STX12: variants seen among roughly 807,000 people sequenced by gnomAD.
The protein encoded by STX12 is syntaxin 12.
Under a neutral mutation model 42.2 loss-of-function variants are expected in STX12, and 17 were observed. The ratio of observed to expected loss-of-function variants is 0.40; its 90% CI spans 0.28 to 0.60. The LOEUF is 0.60. STX12 is among the 20% of genes least tolerant of loss of function. The pLI is 0.39. For synonymous variants in STX12, 108 were observed against 116.7 expected, an observed-to-expected ratio of 0.93 and a Z score of 0.48; for missense variants, 297 against 330.9, an observed-to-expected ratio of 0.90 and a Z score of 0.79.
At chr1:27,810,190 G>C in intron 4 of STX12, 56 bp from the exon 5 acceptor site, 1 of 1,548,824 alleles carries the variant, frequency 6.5e-7, no homozygotes, top group South Asian at 1.1e-5. Context: ...CCCTTGTTTT[G>C]TGTGTCTGTG....
intron 2 of STX12, 79 bp from the exon 3 acceptor site, chr1:27,793,454 C>A: frequency 8.4e-7 from 1 of 1,188,724 alleles, no homozygotes; most frequent in African/African-American, 1.5e-5. Context: ...CGTTATGAGA[C>A]ACTCTGAGAA....
intron 6 of STX12, among the ~76,000 whole-genome samples, chr1:27,815,215 C>T (rs928008687): frequency 1.3e-5 from 2 of 152,126 alleles, no homozygotes; most frequent in African/African-American, 2.4e-5. Flanking sequence ...CCACGGATAC[C>T]AAGGGACGAA....
chr1:27,780,155 A>G (rs1193861767), intron 1 of STX12, among the ~76,000 whole-genome samples: 1 of 149,742 alleles, frequency 6.7e-6, no homozygotes, highest in Non-Finnish European at 1.5e-5. Context: ...AATTATACAA[A>G]TCCTCTCAGT....
chr1:27,792,244 C>CTA (rs201129747), intron 2 of STX12, among the ~76,000 whole-genome samples: 6 of 94,968 alleles, frequency 6.3e-5, no homozygotes, highest in Non-Finnish European at 1.0e-4. Context: ...ATATATGTAT[C>CTA]TATATATATG....
intron 6 of STX12, among the ~76,000 whole-genome samples, chr1:27,814,093 G>C (rs567653962): frequency 6.6e-6 from 1 of 152,244 alleles, no homozygotes; most frequent in East Asian, 1.9e-4. Context: ...TAGAGACGAG[G>C]TTTTGCCATT....
chr1:27,809,352 G>T (rs1456841701), intron 4 of STX12, among the ~76,000 whole-genome samples: 1 of 149,612 alleles, frequency 6.7e-6, no homozygotes, highest in Admixed American at 6.7e-5. Flanking sequence ...AAAAAGAAAA[G>T]AAAAGAAAGG....
chr1:27,773,681 G>A (rs1200512707), intron 1 of STX12, among the ~76,000 whole-genome samples: 1 of 152,186 alleles, frequency 6.6e-6, no homozygotes, highest in Admixed American at 6.5e-5. Flanking sequence ...CAAAACAGCC[G>A]ACTTGACAGC....
chr1:27,822,456 T>C lies in STX12; in HGVS notation c.*127T>C. 1.6e-6 allele frequency: 1 copy of C among 633,006 alleles called. No homozygotes were observed. The highest frequency in any genetic ancestry group is 2.9e-6 in the Non-Finnish European group (1 of 347,898). The allele number at this position is 633,006 out of a possible 1,614,324, so 39.2% of individuals were successfully genotyped here. A position where few individuals can be genotyped will look rare whatever the true frequency, so the allele number is the denominator to read the frequency against. Reference sequence around the variant, plus strand: ...GTCCTGTAATCATTTAGTTAGAAACTAACTACTAACTAGTCTTTGGAATTC... The same window carrying C: ...GTCCTGTAATCATTTAGTTAGAAACCAACTACTAACTAGTCTTTGGAATTC... On this transcript the variant is annotated 3_prime_UTR_variant, in exon 9 of 9. Coordinates refer to ENST00000373943, the MANE Select transcript of STX12 (RefSeq NM_177424.3).
chr1:27,795,931 T>C (rs1428678958), intron 3 of STX12, among the ~76,000 whole-genome samples: 1 of 152,120 alleles, frequency 6.6e-6, no homozygotes, highest in Non-Finnish European at 1.5e-5. Flanking sequence ...TTGTAGACAG[T>C]TTTCATAGTA....
intron 1 of STX12, among the ~76,000 whole-genome samples, chr1:27,775,537 G>A (rs1188422862): frequency 1.3e-5 from 2 of 152,168 alleles, no homozygotes; most frequent in East Asian, 3.9e-4. Flanking sequence ...CTCCGAATAG[G>A]CCAGGATTAC....
chr1:27,812,120 C>G lies in STX12; in HGVS notation c.471-43C>G, dbSNP rs372237520. ...GATGTTGGAGATATGTCTTGTTATG[C>G]CTTTGAGAGGAGAAATCACCTAGTG... On this transcript the variant is annotated intron_variant, in intron 5 of 8. Transcript: ENST00000373943. 11 of 1,481,208 alleles carry G rather than the reference C, an allele frequency of 7.4e-6. 1 individual carries two copies. The highest frequency in any genetic ancestry group is 1.7e-4 in the Middle Eastern group (1 of 5,866). The allele number at this position is 1,481,208 out of a possible 1,614,324, so 91.8% of individuals were successfully genotyped here.
intron 3 of STX12, among the ~76,000 whole-genome samples, chr1:27,800,522 T>C (rs1050054397): frequency 6.7e-6 from 1 of 149,774 alleles, no homozygotes; most frequent in African/African-American, 2.5e-5. Context: ...TGTGTGTGTG[T>C]GTGTGTGTGT....
intron 4 of STX12, among the ~76,000 whole-genome samples, chr1:27,803,981 A>T (rs138103280): frequency 3.3e-5 from 5 of 152,258 alleles, no homozygotes; most frequent in East Asian, 3.9e-4. Flanking sequence ...AGCCTGGGCG[A>T]CACAACAAGA....
At chr1:27,812,020 G>T in intron 5 of STX12, 143 bp from the exon 6 acceptor site, 1 of 723,626 alleles carries the variant, frequency 1.4e-6, no homozygotes, top group South Asian at 1.5e-5. Context: ...GAAGAATGTG[G>T]CCCTCCAAGA....
At chr1:27,816,967 G>T (rs557043426) in intron 6 of STX12, among the ~76,000 whole-genome samples, 1 of 147,876 alleles carries the variant, frequency 6.8e-6, no homozygotes, top group Non-Finnish European at 1.5e-5. Context: ...AGAAGGAAGG[G>T]AGGGAGGGAA....
intron 1 of STX12, among the ~76,000 whole-genome samples, chr1:27,784,696 A>G (rs2088688825): frequency 6.6e-6 from 1 of 152,200 alleles, no homozygotes; most frequent in African/African-American, 2.4e-5. Context: ...TATAGAGGGC[A>G]ATATACAAAA....
intron 1 of STX12, among the ~76,000 whole-genome samples, chr1:27,774,429 C>T (rs1180404620): frequency 1.3e-5 from 2 of 152,126 alleles, no homozygotes; most frequent in African/African-American, 2.4e-5. Context: ...GTGAGCTTGG[C>T]GTACTCTGTT....
intron 2 of STX12, among the ~76,000 whole-genome samples, chr1:27,790,545 T>C (rs2088732931): frequency 6.6e-6 from 1 of 152,222 alleles, no homozygotes; most frequent in Non-Finnish European, 1.5e-5. Flanking sequence ...TTTACAATCC[T>C]CCTGTGAGAC....
Position 27,801,826 on chromosome 1 carries a change from T to C in STX12, c.426+11T>C, listed in dbSNP as rs750624232. On this transcript the variant is annotated intron_variant, in intron 4 of 8. Transcript: ENST00000373943. The stretch of plus-strand genomic sequence containing the variant: ...GGATCTCGTCTTTCTGTAAGTTGAT[T>C]CCCAAAAGAAGACCTTTGCAATATC... The C allele has an allele frequency of 1.9e-6, 3 of 1,572,378 alleles. No homozygotes were observed. Among genetic ancestry groups the C allele is most frequent in the South Asian group, 2.4e-5 (2 of 82,728 alleles).
Sources: gnomAD v4.1 joint callset for allele counts (sites outside exome capture counted in the v4.1 genomes callset) on GRCh38, gnomAD v4.1.1 for gene constraint, MANE v1.5 for transcripts, NCBI Gene and HGNC (gene_info 2026-07-23, HGNC 2026-07-21) for gene names.